The following P4HB variants were observed in gnomAD, a reference collection of about 807,000 sequenced individuals.
The protein encoded by P4HB is prolyl 4-hydroxylase subunit beta, also known as protein disulfide-isomerase.
P4HB carries 20 observed loss-of-function variants against 52.6 expected under a neutral mutation model. The ratio of observed to expected loss-of-function variants is 0.38; its 90% CI spans 0.27 to 0.55. P4HB has a LOEUF of 0.55. Ranked by LOEUF, P4HB falls within the 20% of genes least tolerant of loss-of-function variation. The pLI is 0.74. For missense variants in P4HB, 601 were observed against 669.2 expected, an observed-to-expected ratio of 0.90 and a Z score of 1.12; for synonymous variants, 296 against 277.9, an observed-to-expected ratio of 1.07 and a Z score of -0.65.
intron 2 of P4HB, among the ~76,000 whole-genome samples, chr17:81,857,646 G>A (rs370138031): frequency 6.6e-5 from 10 of 152,268 alleles, no homozygotes; most frequent in South Asian, 4.1e-4. Flanking sequence ...CAGGCGTTTC[G>A]GGAGTTCTCG....
At position 81,846,217 on chromosome 17, in the gene P4HB, T is replaced by C. The variant is rs1257235109; in HGVS notation, c.1056+212A>G. 5.5e-6 allele frequency: 4 copies of C among 731,326 alleles called. No homozygotes were observed. The highest frequency in any genetic ancestry group is 8.8e-6 in the Non-Finnish European group (4 of 456,068). 45.3% of individuals were successfully genotyped at this position (731,326 alleles called of 1,614,324 possible). A position where few individuals can be genotyped will look rare whatever the true frequency, so the allele number is the denominator to read the frequency against. Reference sequence around the variant, plus strand: ...ACCCTCGCCGGCCAGGAGGTTTCCCTGAGGAGCATCTGGGCCAGCCGTGTG... The same window carrying C: ...ACCCTCGCCGGCCAGGAGGTTTCCCCGAGGAGCATCTGGGCCAGCCGTGTG... On this transcript the variant is annotated intron_variant, in intron 7 of 10. Coordinates refer to ENST00000331483, the MANE Select transcript of P4HB (RefSeq NM_000918.4). This position sits in a 1 kb window ranked among gnomAD's most constrained non-coding sequence, Gnocchi z 5.7.
intron 10 of P4HB, 109 bp from the exon 11 acceptor site, chr17:81,844,201 A>T: frequency 1.2e-6 from 1 of 827,446 alleles, no homozygotes; most frequent in Non-Finnish European, 2.1e-6. Context: ...GCCACGGCGG[A>T]CATGGCCACC....
At chr17:81,860,258 C>T (rs1294374269) in intron 1 of P4HB, 69 bp downstream of exon 1, 57 of 1,257,460 alleles carry the variant, frequency 4.5e-5, no homozygotes, top group Non-Finnish European at 5.7e-5. Flanking sequence ...GCTGCCGGGC[C>T]GTGCCTGCGT....
chr17:81,844,114 G>A lies in P4HB; in HGVS notation c.1447-22C>T, dbSNP rs764599620. The stretch of plus-strand genomic sequence containing the variant: ...GATCCTGGGATACAGGAAAAGGGGC[G>A]GGGCGGGCAGGTTGGCTGCAACAGC... On this transcript the variant is annotated intron_variant, in intron 10 of 10. Coordinates refer to ENST00000331483, the MANE Select transcript of P4HB (RefSeq NM_000918.4). 33 of 1,552,224 alleles carry A rather than the reference G, an allele frequency of 2.1e-5. No homozygotes were observed. The South Asian group carries it at 2.3e-4, about 11-fold the overall frequency.
chr17:81,846,845 A>T lies in P4HB; in HGVS notation c.855+102T>A. 1 of 1,450,958 alleles carries T rather than the reference A, an allele frequency of 6.9e-7. No homozygotes were observed. The highest frequency in any genetic ancestry group is 1.2e-5 in the South Asian group (1 of 82,698). 89.9% of individuals were successfully genotyped at this position (1,450,958 alleles called of 1,614,324 possible). On this transcript the variant is annotated intron_variant, in intron 6 of 10. Coordinates refer to ENST00000331483, the MANE Select transcript of P4HB (RefSeq NM_000918.4). This position sits in a 1 kb window ranked among gnomAD's most constrained non-coding sequence, Gnocchi z 5.7. ...CTGTCCTGAATCAGGTGCCCGATCC[A>T]GTCCAGCAGGCAGCCTCAGGAAGGC...
intron 10 of P4HB, 21 bp from the exon 11 acceptor site, chr17:81,844,113 C>T (rs763376689): frequency 5.7e-6 from 9 of 1,566,154 alleles, no homozygotes; most frequent in East Asian, 2.2e-5. Context: ...GGAAAAGGGG[C>T]GGGGCGGGCA....
At chr17:81,857,304 C>T (rs948609440) in intron 2 of P4HB, among the ~76,000 whole-genome samples, 22 of 152,066 alleles carry the variant, frequency 1.4e-4, no homozygotes, top group African/African-American at 3.6e-4. Context: ...TGCACCACCA[C>T]GCCCGGCTAA....
intron 4 of P4HB, 116 bp from the exon 5 acceptor site, chr17:81,847,463 G>A (rs2038755015): frequency 1.2e-6 from 1 of 815,432 alleles, no homozygotes; most frequent in Non-Finnish European, 2.1e-6. Flanking sequence ...CTCCCGTGGG[G>A]TTTCGAGCCA....
At chr17:81,845,027 G>A (rs980246069) in intron 10 of P4HB, 117 bp downstream of exon 10, 9 of 840,138 alleles carry the variant, frequency 1.1e-5, no homozygotes, top group African/African-American at 8.4e-5. Context: ...AGCCCTGGAC[G>A]CACAGACGTG....
chr17:81,851,061 G>A (rs2038823784), intron 4 of P4HB, among the ~76,000 whole-genome samples: 1 of 152,020 alleles, frequency 6.6e-6, no homozygotes, highest in Non-Finnish European at 1.5e-5. Flanking sequence ...CTCCTGAGTA[G>A]CTGGGACTAC....
chr17:81,844,291 G>C (rs2143310401), intron 10 of P4HB, among the ~76,000 whole-genome samples, 199 bp from the exon 11 acceptor site: 1 of 152,312 alleles, frequency 6.6e-6, no homozygotes, highest in South Asian at 2.1e-4. Context: ...GGGGATTTCT[G>C]CCTATAGCAG....
rs776263779 is a variant in P4HB, at chr17:81,855,631, C to G, written c.353-45G>C. The G allele has an allele frequency of 1.2e-5, 19 of 1,585,892 alleles. No individual in the cohort carries two copies. Among genetic ancestry groups the G allele is most frequent in the Non-Finnish European group, 1.6e-5 (19 of 1,163,714 alleles). ...GGTTCTACTCTCAAACAGGGAGTGC[C>G]GCCTGCCCTGCCGCGCCTGCTCCCG... On this transcript the variant is annotated intron_variant, in intron 2 of 10. Transcript: ENST00000331483. This position sits in a 1 kb window ranked among gnomAD's most constrained non-coding sequence, Gnocchi z 4.3.
chr17:81,843,783 A>G lies in P4HB; in HGVS notation c.*229T>C, dbSNP rs867755982. The G allele has an allele frequency of 3.3e-6, 2 of 598,234 alleles. No homozygotes were observed. The highest frequency in any genetic ancestry group is 3.7e-5 in the African/African-American group (2 of 53,976). 37.1% of individuals were successfully genotyped at this position (598,234 alleles called of 1,614,324 possible). ...ATCATGGTTTCAGGAAACAAGCCCC[A>G]CCAGGGTGGGCTGCCTGGAGATGGA... On this transcript the variant is annotated 3_prime_UTR_variant, in exon 11 of 11. Coordinates refer to ENST00000331483, the MANE Select transcript of P4HB (RefSeq NM_000918.4).
At chr17:81,847,096 G>C in intron 5 of P4HB, 24 bp from the exon 6 acceptor site, 1 of 1,613,764 alleles carries the variant, frequency 6.2e-7, no homozygotes, top group Non-Finnish European at 8.5e-7. Context: ...TTAAGTTACT[G>C]GGTCTGAGTC....
chr17:81,855,646 G>A lies in P4HB; in HGVS notation c.353-60C>T, dbSNP rs113254023. 1,447 of 1,564,450 alleles carry A rather than the reference G, an allele frequency of 9.2e-4. 8 individuals are homozygous for A. In the African/African-American group the frequency reaches 0.016, roughly 17 times the overall value. ...CAGGGAGTGCCGCCTGCCCTGCCGC[G>A]CCTGCTCCCGTCTCTGCTCTCTGCC... is the stretch of plus-strand genomic sequence containing the variant. On this transcript the variant is annotated intron_variant, in intron 2 of 10. Transcript: ENST00000331483. The surrounding 1 kb of genome is among the most constrained non-coding windows in gnomAD (Gnocchi z 4.3).
At chr17:81,847,541 A>C (rs2038756884) in intron 4 of P4HB, 194 bp from the exon 5 acceptor site, 2 of 601,344 alleles carry the variant, frequency 3.3e-6, no homozygotes, top group Admixed American at 2.8e-5. Context: ...TCACGGCCTT[A>C]TGGCTGCCCG....
In P4HB at chr17:81,844,177, C is replaced by A. The variant is rs547885455; in HGVS notation, c.1447-85G>T. 1.1e-4 allele frequency: 111 copies of A among 970,798 alleles called. 1 individual carries two copies. Among genetic ancestry groups the A allele is most frequent in the South Asian group, 4.6e-4 (36 of 78,174 alleles). The allele number at this position is 970,798 out of a possible 1,614,324, so 60.1% of individuals were successfully genotyped here. On this transcript the variant is annotated intron_variant, in intron 10 of 10. Transcript: ENST00000331483. ...CCCCCAGCACCCCACACTGCTCACA[C>A]CGGGGACTAGCCGGCCACGGCGGAC...
chr17:81,850,237 A>G (rs1236497149), intron 4 of P4HB, among the ~76,000 whole-genome samples: 1 of 151,340 alleles, frequency 6.6e-6, no homozygotes, highest in Non-Finnish European at 1.5e-5. Flanking sequence ...GGTTAAAGCA[A>G]TTCTCCTGCC....
intron 10 of P4HB, 27 bp from the exon 11 acceptor site, chr17:81,844,119 G>A (rs765925146): frequency 1.0e-5 from 16 of 1,530,828 alleles, no homozygotes; most frequent in South Asian, 7.8e-5. Context: ...GGGGCGGGGC[G>A]GGCAGGTTGG....
Sources: allele counts gnomAD v4.1 joint callset (sites outside exome capture counted in the v4.1 genomes callset), GRCh38; gene constraint gnomAD v4.1.1; non-coding constraint Gnocchi (gnomAD v3.1); transcripts MANE v1.5; gene names NCBI Gene and HGNC (gene_info 2026-07-23, HGNC 2026-07-21).